LIMCH1: variants seen among roughly 807,000 people sequenced by gnomAD.
LIMCH1 encodes the protein LIM and calponin homology domains 1.
In LIMCH1, 113 loss-of-function variants were observed where a neutral mutation model predicts 176.5. That is an observed-to-expected ratio of 0.64 (90% confidence interval 0.55 to 0.75). The LOEUF (loss-of-function observed/expected upper bound fraction) is 0.75, where lower values mean the gene tolerates loss of function less well. Among genes scored for constraint, LIMCH1 ranks in the 30% least tolerant of loss-of-function variants. The pLI is 0.00. For missense variants in LIMCH1, 1,674 were observed against 1,814.9 expected (o/e 0.92, Z 1.41); for synonymous variants, 619 against 645.9 (o/e 0.96, Z 0.63).
At chr4:41,610,349 G>A (rs62412483) in intron 4 of LIMCH1, among the ~76,000 whole-genome samples, 14,291 of 152,160 alleles carry the variant, frequency 0.094, 872 homozygotes, top group Middle Eastern at 0.2. Context: ...TGTGACCAGC[G>A]GTCCGCCTCC....
At chr4:41,414,273 G>A (rs558779025) in intron 1 of LIMCH1, among the ~76,000 whole-genome samples, 4 of 152,198 alleles carry the variant, frequency 2.6e-5, no homozygotes, top group South Asian at 4.2e-4. Flanking sequence ...AGCACTAGAC[G>A]TAGCCGAGTT....
chr4:41,585,695 ACTTGTTATTTTCTGT>A (rs149432434), intron 1 of LIMCH1, among the ~76,000 whole-genome samples: 119 of 152,194 alleles, frequency 7.8e-4, no homozygotes, highest in Non-Finnish European at 1.4e-3. Flanking sequence ...TCTCATCAAC[ACTTGTTATTTTCTGT>A]CTTTTTAAAA....
chr4:41,401,965 G>A (rs1222190296), intron 1 of LIMCH1, among the ~76,000 whole-genome samples: 26 of 152,226 alleles, frequency 1.7e-4, no homozygotes, highest in South Asian at 4.2e-4. Context: ...ATATACAATC[G>A]TGTCGTCTGC....
At chr4:41,687,957 A>G (rs1371297) in intron 29 of LIMCH1, 40 bp downstream of exon 29, 412,905 of 1,519,182 alleles carry the variant, frequency 0.27, 57,758 homozygotes, top group African/African-American at 0.43. Flanking sequence ...CTGCTTTGTT[A>G]TGACTAGAGC....
rs114030004 is a variant in LIMCH1, at chr4:41,548,034, G to T, written c.-241+9684G>T. On this transcript the variant is annotated intron_variant, in intron 1 of 31. Coordinates refer to ENST00000503057, the MANE Select transcript of LIMCH1 (RefSeq NM_001330672.2). ...CCATCTATTAAATAGCATAGTAATA[G>T]TACCTAACTCATTAATTTGTGAGGA... Among the ~76,000 whole-genome samples, 1,455 of 151,256 alleles carry T rather than the reference G, an allele frequency of 9.6e-3. 13 individuals are homozygous for T. The highest frequency in any genetic ancestry group is 0.031 in the African/African-American group (1,281 of 41,220).
intron 1 of LIMCH1, among the ~76,000 whole-genome samples, chr4:41,392,514 G>A (rs2057354345): frequency 6.6e-6 from 1 of 152,122 alleles, no homozygotes; most frequent in African/African-American, 2.4e-5. Context: ...GAACAGCAAG[G>A]GATGCTGTTT....
upstream of LIMCH1, among the ~76,000 whole-genome samples, chr4:41,534,485 A>T (rs537860631): frequency 2.7e-4 from 41 of 152,216 alleles, no homozygotes; most frequent in Non-Finnish European, 5.1e-4. Context: ...AATCATGGGA[A>T]CATGGGAATG....
chr4:41,498,397 C>G (rs1456818842), intron 2 of LIMCH1, among the ~76,000 whole-genome samples: 1 of 152,106 alleles, frequency 6.6e-6, no homozygotes, highest in Non-Finnish European at 1.5e-5. Flanking sequence ...AGAGTAATAG[C>G]AAGTATAAAA....
At chr4:41,633,370 C>G (rs917577778) in intron 12 of LIMCH1, among the ~76,000 whole-genome samples, 178 bp from the exon 13 acceptor site, 9 of 152,204 alleles carry the variant, frequency 5.9e-5, no homozygotes, top group Admixed American at 2.0e-4. Context: ...TGAGTATCAG[C>G]TGCATGACAG....
At chr4:41,615,119 C>G (rs924408889) in intron 5 of LIMCH1, among the ~76,000 whole-genome samples, 10 of 152,122 alleles carry the variant, frequency 6.6e-5, no homozygotes, top group African/African-American at 2.4e-4. Context: ...AGTTAAATAC[C>G]AAGTTCACTA....
intron 1 of LIMCH1, among the ~76,000 whole-genome samples, chr4:41,366,393 A>G (rs1329268821): frequency 6.6e-6 from 1 of 152,214 alleles, no homozygotes; most frequent in African/African-American, 2.4e-5. Context: ...TTTTAAGCCC[A>G]GTTCACTGTT....
At chr4:41,671,713 A>G in intron 22 of LIMCH1, 119 bp downstream of exon 22, 1 of 740,414 alleles carries the variant, frequency 1.4e-6, no homozygotes, top group African/African-American at 1.8e-5. Flanking sequence ...CTGTAATCCC[A>G]ACACTTTGGG....
intron 1 of LIMCH1, among the ~76,000 whole-genome samples, chr4:41,593,193 T>C (rs1006572965): frequency 6.6e-6 from 1 of 152,186 alleles, no homozygotes; most frequent in Non-Finnish European, 1.5e-5. Flanking sequence ...GGGAAATGTT[T>C]TTATACACAG....
chr4:41,373,711 C>G (rs2054308017), intron 1 of LIMCH1, among the ~76,000 whole-genome samples: 1 of 152,194 alleles, frequency 6.6e-6, no homozygotes, highest in South Asian at 2.1e-4. Context: ...CTCATGCAGT[C>G]TGGCTGCTTT....
chr4:41,534,699 TA>T (rs1289697603), upstream of LIMCH1, among the ~76,000 whole-genome samples: 1 of 148,152 alleles, frequency 6.7e-6, no homozygotes, highest in African/African-American at 2.5e-5. Flanking sequence ...AATGAAGACA[TA>T]TTTTTTTTTT....
chr4:41,531,402 G>A (rs1451995972), intron 3 of LIMCH1, among the ~76,000 whole-genome samples: 1 of 151,160 alleles, frequency 6.6e-6, no homozygotes, highest in African/African-American at 2.4e-5. Context: ...AAGTCAGAGT[G>A]ATTTTATTCA....
chr4:41,533,561 C>T (rs2077556118), upstream of LIMCH1, among the ~76,000 whole-genome samples: 1 of 152,158 alleles, frequency 6.6e-6, no homozygotes, highest in Non-Finnish European at 1.5e-5. Flanking sequence ...ACATATATAC[C>T]AAATAGAGAT....
At chr4:41,601,303 G>T (rs145295661) in intron 2 of LIMCH1, among the ~76,000 whole-genome samples, 2 of 152,336 alleles carry the variant, frequency 1.3e-5, no homozygotes, top group East Asian at 3.9e-4. Flanking sequence ...GTGCTGAGAA[G>T]AAAATAAAAT....
chr4:41,486,674 C>T (rs900393053), intron 1 of LIMCH1, among the ~76,000 whole-genome samples: 1 of 152,124 alleles, frequency 6.6e-6, no homozygotes, highest in Non-Finnish European at 1.5e-5. Context: ...GTGAAATGTA[C>T]TGTGCATAGG....
Sources: allele counts gnomAD v4.1 joint callset (sites outside exome capture counted in the v4.1 genomes callset), GRCh38; gene constraint gnomAD v4.1.1; transcripts MANE v1.5; gene names NCBI Gene and HGNC (gene_info 2026-07-23, HGNC 2026-07-21).